The following APLP2 variants were observed in gnomAD, a reference collection of about 807,000 sequenced individuals.
APLP2 encodes CDEI box-binding protein.
APLP2 carries 53 observed loss-of-function variants against 89.9 expected under a neutral mutation model. That is an observed-to-expected ratio of 0.59 (90% CI 0.47 to 0.74). APLP2 has a LOEUF of 0.74. Ranked by LOEUF, APLP2 falls within the 30% of genes least tolerant of loss-of-function variation. The pLI is 0.00. For missense variants in APLP2, 973 were observed against 975.9 expected (o/e 1.00, Z 0.04); for synonymous variants, 372 against 348.6 (o/e 1.07, Z -0.75).
rs553857146 is a variant in APLP2 at position 130,088,268 on chromosome 11, GA to G, written c.105+18192del. Among the ~76,000 whole-genome samples the G allele has an allele frequency of 7.9e-4, 120 of 152,230 alleles. 1 individual carries two copies. The highest frequency in any genetic ancestry group is 2.8e-3 in the African/African-American group (116 of 41,546). ...AGGATGGTTTGATTGTTCCAGGGGG[GA>G]AAAAACCATAAAATTTTAAGAAAAT... On this transcript the variant is annotated intron_variant, in intron 1 of 16. Transcript: ENST00000338167.
At chr11:130,131,341 C>T (rs941882343) in intron 11 of APLP2, among the ~76,000 whole-genome samples, 7 of 152,174 alleles carry the variant, frequency 4.6e-5, no homozygotes, top group East Asian at 1.9e-4. Flanking sequence ...TCAGGTAATC[C>T]GCCCACCTCT....
chr11:130,070,717 T>G, intron 1 of APLP2: 1 of 1,477,100 alleles, frequency 6.8e-7, no homozygotes. Flanking sequence ...GCTGTTTGCC[T>G]GCGTCCGTAG....
At chr11:130,075,913 A>C (rs529259988) in intron 1 of APLP2, among the ~76,000 whole-genome samples, 2 of 141,102 alleles carry the variant, frequency 1.4e-5, no homozygotes, top group South Asian at 2.1e-4. Context: ...ATTTCATACA[A>C]GTTGTGATAT....
At chr11:130,101,841 C>G in intron 1 of APLP2, 1 of 430,452 alleles carries the variant, frequency 2.3e-6, no homozygotes. Context: ...CAAATAATTG[C>G]TGCAGTTTTT....
chr11:130,069,965 G>C lies in APLP2; in HGVS notation c.-13G>C. The C allele has an allele frequency of 6.7e-7, 1 of 1,499,250 alleles. No homozygotes were observed. The highest frequency in any genetic ancestry group is 1.2e-5 in the South Asian group (1 of 81,898). The allele number at this position is 1,499,250 out of a possible 1,614,324, so 92.9% of individuals were successfully genotyped here. A position where few individuals can be genotyped will look rare whatever the true frequency, so the allele number is the denominator to read the frequency against. On this transcript the variant is annotated 5_prime_UTR_variant, in exon 1 of 17. Transcript: ENST00000338167. Reference sequence around the variant, plus strand: ...GAGCTTGAGAGCCGCGCGCTAGAGCGACCCGGCGAGGGATGGCGGCCACCG... The same window carrying C: ...GAGCTTGAGAGCCGCGCGCTAGAGCCACCCGGCGAGGGATGGCGGCCACCG...
intron 5 of APLP2, 99 bp downstream of exon 5, chr11:130,121,909 TG>T: frequency 6.6e-7 from 1 of 1,512,202 alleles, no homozygotes; most frequent in Non-Finnish European, 8.8e-7. Flanking sequence ...CTGGATAAAC[TG>T]GGCATTCCTT....
At chr11:130,102,583 A>C (rs768804283) in intron 1 of APLP2, among the ~76,000 whole-genome samples, 7 of 152,190 alleles carry the variant, frequency 4.6e-5, no homozygotes, top group African/African-American at 1.7e-4. Flanking sequence ...GGCAGAGATA[A>C]CTGGGTGTGC....
rs915487155 is a variant in APLP2, at chr11:130,141,186, G to A, written c.1924-312G>A. 7 of 259,320 alleles carry A rather than the reference G, an allele frequency of 2.7e-5. No individual in the cohort carries two copies. The highest frequency in any genetic ancestry group is 4.5e-5 in the Non-Finnish European group (6 of 134,468). 16.1% of individuals were successfully genotyped at this position (259,320 alleles called of 1,614,324 possible). On this transcript the variant is annotated intron_variant, in intron 14 of 16. Transcript: ENST00000338167. This position sits in a 1 kb window ranked among gnomAD's most constrained non-coding sequence, Gnocchi z 4.2. ...CTCCCAAAGTGCTGGGATTACAGGC[G>A]TGAGCCACCGCGCCTGGTGTAAACG...
At position 130,130,823 on chromosome 11, in the gene APLP2, A is replaced by G. The variant is rs558218837; in HGVS notation, c.1584+657A>G. On this transcript the variant is annotated intron_variant, in intron 11 of 16. Transcript: ENST00000338167. ...GTGCTGATTGTGAGTGTCAGGGTACATGGGCTCACTTACTGCACGGGTGCT... is the reference window on the plus strand; with the variant it reads ...GTGCTGATTGTGAGTGTCAGGGTACGTGGGCTCACTTACTGCACGGGTGCT... Among the ~76,000 whole-genome samples, 166 of 152,342 alleles carry G rather than the reference A, an allele frequency of 1.1e-3. 1 individual carries two copies. The highest frequency in any genetic ancestry group is 3.9e-3 in the African/African-American group (163 of 41,586).
intron 11 of APLP2, 95 bp downstream of exon 11, chr11:130,130,261 T>A: frequency 6.7e-7 from 1 of 1,502,512 alleles, no homozygotes; most frequent in Non-Finnish European, 9.2e-7. Flanking sequence ...GCTAGTTGCA[T>A]TTGCTACTAG....
chr11:130,125,035 T>A (rs968682369), intron 7 of APLP2, among the ~76,000 whole-genome samples: 9 of 151,900 alleles, frequency 5.9e-5, no homozygotes, highest in Admixed American at 4.6e-4. Context: ...GTGGCTTGGA[T>A]GAGATTTGCC....
At chr11:130,126,943 A>ATG in intron 8 of APLP2, 113 bp downstream of exon 8, 1 of 1,459,328 alleles carries the variant, frequency 6.9e-7, no homozygotes, top group Non-Finnish European at 9.4e-7. Context: ...ATGTATAAGG[A>ATG]CTGGTGAGTC....
At chr11:130,143,114 C>G (rs1247522459) in intron 16 of APLP2, among the ~76,000 whole-genome samples, 1 of 152,206 alleles carries the variant, frequency 6.6e-6, no homozygotes, top group Admixed American at 6.5e-5. Context: ...CTGTCATCTT[C>G]CGTGAGGGCT....
chr11:130,123,269 A>G lies in APLP2; in HGVS notation c.923-343A>G, dbSNP rs1950026019. Among the ~76,000 whole-genome samples the G allele has an allele frequency of 6.6e-6, 1 of 152,216 alleles. No individual in the cohort carries two copies. Among genetic ancestry groups the G allele is most frequent in the Admixed American group, 6.5e-5 (1 of 15,288 alleles). ...GCCTTTCCACTCACACTGTCTCCTG[A>G]ATAGACAAACTAGGCAGATACCTCC... On this transcript the variant is annotated intron_variant, in intron 6 of 16. Transcript: ENST00000338167. This position sits in a 1 kb window ranked among gnomAD's most constrained non-coding sequence, Gnocchi z 4.0.
intron 1 of APLP2, among the ~76,000 whole-genome samples, chr11:130,108,215 G>A (rs555140954): frequency 3.3e-5 from 5 of 152,328 alleles, no homozygotes; most frequent in Non-Finnish European, 5.9e-5. Context: ...ATTGACAAAT[G>A]GGATCTAATT....
At chr11:130,140,091 G>T (rs746413741) in intron 13 of APLP2, among the ~76,000 whole-genome samples, 4 of 152,106 alleles carry the variant, frequency 2.6e-5, no homozygotes, top group Non-Finnish European at 5.9e-5. Context: ...ATGCCCCTCG[G>T]CTCCGCTTCT....
In APLP2 at chr11:130,141,868, G is replaced by A. The variant is rs371140389; in HGVS notation, c.1999-51G>A. On this transcript the variant is annotated intron_variant, in intron 15 of 16. Coordinates refer to ENST00000338167, the MANE Select transcript of APLP2 (RefSeq NM_001142276.2). This position sits in a 1 kb window ranked among gnomAD's most constrained non-coding sequence, Gnocchi z 4.2. ...GCCCTCAGTGAGTTACTTGCCTCAC[G>A]GCTGCCAGATGGTCACTGGGACTTT... 1.4e-5 allele frequency: 22 copies of A among 1,563,594 alleles called. No homozygotes were observed. The South Asian group carries it at 1.4e-4, about 10-fold the overall frequency.
In APLP2 at chr11:130,141,401, T is replaced by C. The variant is rs1444323336; in HGVS notation, c.1924-97T>C. The C allele has an allele frequency of 9.8e-7, 1 of 1,024,920 alleles. No homozygotes were observed. The highest frequency in any genetic ancestry group is 1.6e-5 in the African/African-American group (1 of 63,716). 63.5% of individuals were successfully genotyped at this position (1,024,920 alleles called of 1,614,324 possible). ...GGGGGTCCCACAGGTACCTGCTTCC[T>C]TCCATCAAGCAGCAGGTAGCAGAGG... On this transcript the variant is annotated intron_variant, in intron 14 of 16. Transcript: ENST00000338167. The surrounding 1 kb of genome is among the most constrained non-coding windows in gnomAD (Gnocchi z 4.2).
intron 1 of APLP2, among the ~76,000 whole-genome samples, chr11:130,092,700 GGGGGGA>G (rs1945563001): frequency 8.1e-6 from 1 of 123,168 alleles, no homozygotes; most frequent in African/African-American, 3.9e-5. Context: ...GGGAGACCGT[GGGGGGA>G]GGGAGGGGGA....
Sources: gnomAD v4.1 joint callset for allele counts (sites outside exome capture counted in the v4.1 genomes callset) on GRCh38, gnomAD v4.1.1 for gene constraint, Gnocchi (gnomAD v3.1) non-coding constraint, MANE v1.5 for transcripts, NCBI Gene and HGNC (gene_info 2026-07-23, HGNC 2026-07-21) for gene names.